The following SLC16A3 variants were observed in gnomAD, a reference collection of about 807,000 sequenced individuals.
The protein encoded by SLC16A3 is solute carrier family 16 member 3.
SLC16A3 carries 22 observed loss-of-function variants against 25.0 expected under a neutral mutation model. The ratio of observed to expected loss-of-function variants is 0.88; its 90% CI spans 0.63 to 1.26. The LOEUF (loss-of-function observed/expected upper bound fraction) is 1.26, where lower values mean the gene tolerates loss of function less well. SLC16A3 is among the 50% of genes most tolerant of loss of function. The pLI is 0.00. For missense variants in SLC16A3, 731 were observed against 666.6 expected (o/e 1.10, Z -1.06); for synonymous variants, 390 against 309.2 (o/e 1.26, Z -2.74).
chr17:82,226,871 G>A (rs888012084), upstream of SLC16A3, among the ~76,000 whole-genome samples: 2 of 152,156 alleles, frequency 1.3e-5, no homozygotes, highest in Non-Finnish European at 2.9e-5. Flanking sequence ...CTTGATAGCT[G>A]CGCTGCCTGT....
At position 82,239,090 on chromosome 17, in the gene SLC16A3, C is replaced by T. The variant is rs78825758; in HGVS notation, c.*114C>T. On this transcript the variant is annotated 3_prime_UTR_variant, in exon 5 of 5. Coordinates refer to ENST00000582743, the MANE Select transcript of SLC16A3 (RefSeq NM_004207.4). Reference sequence around the variant, plus strand: ...AGGGCCACGGCTGGGCTCCAGCTGCCGGCCCAGCGGATCGTCGCCCGATCA... The same window carrying T: ...AGGGCCACGGCTGGGCTCCAGCTGCTGGCCCAGCGGATCGTCGCCCGATCA... 2.1e-4 allele frequency: 219 copies of T among 1,040,650 alleles called. No individual in the cohort carries two copies. The highest frequency in any genetic ancestry group is 2.0e-3 in the East Asian group (76 of 37,668). The allele number at this position is 1,040,650 out of a possible 1,614,324, so 64.5% of individuals were successfully genotyped here. A position where few individuals can be genotyped will look rare whatever the true frequency, so the allele number is the denominator to read the frequency against.
At position 82,238,892 on chromosome 17, in the gene SLC16A3, G is replaced by A. The variant is rs369072667; in HGVS notation, c.1314G>A (p.Val438=). The A allele has an allele frequency of 6.2e-7, 1 of 1,604,820 alleles. No homozygotes were observed. Among genetic ancestry groups the A allele is most frequent in the African/African-American group, 1.3e-5 (1 of 74,816 alleles). The change falls in exon 5 of 5, where the codon GTG becomes GTA. Residue 438 remains valine, a synonymous_variant. Transcript: ENST00000582743. The part of the protein sequence containing the change: ...KLHKPPADSG[V]DLREVEHFLK... ...ACAAGCCTCCTGCAGACTCGGGGGTGGACTTGCGGGAGGTGGAGCATTTCC... is the reference window on the plus strand; with the variant it reads ...ACAAGCCTCCTGCAGACTCGGGGGTAGACTTGCGGGAGGTGGAGCATTTCC...
chr17:82,224,703 C>A (rs2050410990), upstream of SLC16A3, among the ~76,000 whole-genome samples: 2 of 150,826 alleles, frequency 1.3e-5, no homozygotes, highest in African/African-American at 4.9e-5. Flanking sequence ...CGTGCACAGA[C>A]ACCTGTGCAG....
At chr17:82,235,708 T>TCTG in intron 1 of SLC16A3, 1 of 492,140 alleles carries the variant, frequency 2.0e-6, no homozygotes. Flanking sequence ...CAGGAGGTAA[T>TCTG]CTGAGTCCTG....
chr17:82,232,605 T>C (rs2050515487), intron 1 of SLC16A3, among the ~76,000 whole-genome samples: 1 of 152,176 alleles, frequency 6.6e-6, no homozygotes, highest in South Asian at 2.1e-4. Context: ...GGCACCCAGG[T>C]CCTGAGGACT....
chr17:82,225,389 G>A (rs1464978808), upstream of SLC16A3, among the ~76,000 whole-genome samples: 1 of 152,230 alleles, frequency 6.6e-6, no homozygotes, highest in East Asian at 1.9e-4. Flanking sequence ...GAGGGCACCA[G>A]CCTCCCCTGG....
intron 1 of SLC16A3, chr17:82,231,190 G>C (rs1391756123): frequency 6.6e-6 from 1 of 152,120 alleles, no homozygotes; most frequent in African/African-American, 2.4e-5. Context: ...CCTCCCCCGG[G>C]TGGGCCCCGC....
chr17:82,221,377 A>G (rs563756336), intron 1 of SLC16A3, among the ~76,000 whole-genome samples: 13 of 152,108 alleles, frequency 8.5e-5, no homozygotes, highest in African/African-American at 1.7e-4. Flanking sequence ...CCTGGGCAAC[A>G]TGGTGAAACC....
intron 1 of SLC16A3, chr17:82,235,104 G>C (rs1465713711): frequency 1.3e-5 from 2 of 152,314 alleles, no homozygotes; most frequent in African/African-American, 4.8e-5. Flanking sequence ...CTGGAGTTTA[G>C]AAAGGGACAC....
rs763166559 is a variant in SLC16A3 at position 82,236,200 on chromosome 17, C to T, written c.192C>T (p.Ser64=). 29 of 1,612,892 alleles carry T rather than the reference C, an allele frequency of 1.8e-5. No individual in the cohort carries two copies. The South Asian group carries it at 2.9e-4, about 16-fold the overall frequency. Reference sequence around the variant, plus strand: ...GCTACAGCGACACAGCCTGGATCTCCTCCATCCTGCTGGCCATGCTCTACG... The same window carrying T: ...GCTACAGCGACACAGCCTGGATCTCTTCCATCCTGCTGGCCATGCTCTACG... ...GIGYSDTAWI[S]SILLAMLYGT... Residue 64 remains serine, a synonymous_variant, in exon 2 of 5, where the codon TCC becomes TCT. Transcript: ENST00000582743.
At chr17:82,228,771 C>A (rs1364951129), upstream of SLC16A3, among the ~76,000 whole-genome samples, 2 of 151,908 alleles carry the variant, frequency 1.3e-5, no homozygotes, top group East Asian at 3.9e-4. Context: ...CCGGGGGAGG[C>A]GAGGCCGGGA....
intron 4 of SLC16A3, among the ~76,000 whole-genome samples, 190 bp from the exon 5 acceptor site, chr17:82,238,512 C>T (rs1177072630): frequency 6.6e-6 from 1 of 152,196 alleles, no homozygotes; most frequent in Admixed American, 6.5e-5. Flanking sequence ...GTCTTGGTTC[C>T]CCTGAGGAGG....
Position 82,237,547 on chromosome 17 carries a change from C to G in SLC16A3, c.777C>G (p.Pro259=). ...VVSYAKDLGV[P]DTKAAFLLTI... ...GCTACGCCAAGGACCTGGGCGTGCC[C>G]GACACCAAGGCCGCCTTCCTGCTCA... Residue 259 remains proline, a synonymous_variant, in exon 4 of 5, where the codon CCC becomes CCG. Transcript: ENST00000582743. 1 of 1,611,238 alleles carries G rather than the reference C, an allele frequency of 6.2e-7. No individual in the cohort carries two copies. Among genetic ancestry groups the G allele is most frequent in the African/African-American group, 1.3e-5 (1 of 75,018 alleles).
intron 4 of SLC16A3, 85 bp from the exon 5 acceptor site, chr17:82,238,617 G>C: frequency 1.4e-6 from 2 of 1,380,730 alleles, no homozygotes; most frequent in East Asian, 2.5e-5. Context: ...TGCGTGCTGA[G>C]ACACCGAGAC....
chr17:82,224,022 AC>A (rs2050404932), upstream of SLC16A3, among the ~76,000 whole-genome samples: 1 of 143,362 alleles, frequency 7.0e-6, no homozygotes, highest in South Asian at 2.3e-4. Context: ...GTGCACAGAG[AC>A]ACCTGTGCAG....
chr17:82,219,883 A>G (rs952661165), intron 1 of SLC16A3, among the ~76,000 whole-genome samples: 2 of 151,990 alleles, frequency 1.3e-5, no homozygotes, highest in African/African-American at 4.8e-5. Flanking sequence ...GTGGGCTCCA[A>G]GGAGGGCAGA....
At chr17:82,232,305 AG>A (rs2050510656) in intron 1 of SLC16A3, 1 of 152,594 alleles carries the variant, frequency 6.6e-6, no homozygotes, top group Admixed American at 6.5e-5. Flanking sequence ...CTGACAGTCC[AG>A]CAGAGGCCTC....
intron 4 of SLC16A3, among the ~76,000 whole-genome samples, 184 bp from the exon 5 acceptor site, chr17:82,238,515 TGAG>T (rs973596148): frequency 3.9e-5 from 6 of 152,060 alleles, no homozygotes; most frequent in African/African-American, 7.2e-5. Context: ...TTGGTTCCCC[TGAG>T]GAGGAGGGAG....
chr17:82,226,420 T>C (rs1243270125), upstream of SLC16A3, among the ~76,000 whole-genome samples: 1 of 151,976 alleles, frequency 6.6e-6, no homozygotes, highest in African/African-American at 2.4e-5. Context: ...CAGAGTGGGG[T>C]GCAGAGATGC....
Sources: allele counts gnomAD v4.1 joint callset (sites outside exome capture counted in the v4.1 genomes callset), GRCh38; gene constraint gnomAD v4.1.1; transcripts MANE v1.5; gene names NCBI Gene and HGNC (gene_info 2026-07-23, HGNC 2026-07-21).